TANC2: variants seen among roughly 807,000 people sequenced by gnomAD.
TANC2 encodes the protein tetratricopeptide repeat, ankyrin repeat and coiled-coil containing 2, also known as protein TANC2.
Under a neutral mutation model 210.5 loss-of-function variants are expected in TANC2, and 26 were observed. The ratio of observed to expected loss-of-function variants is 0.12; its 90% CI spans 0.09 to 0.17. TANC2 has a LOEUF of 0.17. TANC2 is among the 10% of genes least tolerant of loss of function. TANC2 has a pLI of 1.00. For missense variants in TANC2, 2,129 were observed against 2,608.9 expected (o/e 0.82, Z 4.01); for synonymous variants, 931 against 967.1 (o/e 0.96, Z 0.69).
chr17:63,328,252 C>T (rs1319865389), intron 11 of TANC2, among the ~76,000 whole-genome samples: 1 of 152,110 alleles, frequency 6.6e-6, no homozygotes, highest in Admixed American at 6.6e-5. Flanking sequence ...CTGTGGGTGA[C>T]AGTCATCTGT....
intron 2 of TANC2, among the ~76,000 whole-genome samples, chr17:63,040,982 A>G (rs1400226508): frequency 6.6e-6 from 1 of 152,212 alleles, no homozygotes. Flanking sequence ...GTTTTATTCC[A>G]TGCTAAAGAC....
In TANC2 at chr17:63,229,533, C is replaced by T. The variant is rs568110109; in HGVS notation, c.770-8281C>T. Among the ~76,000 whole-genome samples, 4 of 147,130 alleles carry T rather than the reference C, an allele frequency of 2.7e-5. No individual in the cohort carries two copies. In the South Asian group the frequency reaches 8.6e-4, roughly 32 times the overall value. On this transcript the variant is annotated intron_variant, in intron 7 of 27. Coordinates refer to ENST00000689528, the Ensembl canonical transcript of TANC2. The stretch of plus-strand genomic sequence containing the variant: ...TCTTTATACCTCTGATAGAATTCAG[C>T]TATAAATCCGTCTGGTCCTGGGTTT...
At chr17:63,275,780 T>G (rs1567874181) in intron 9 of TANC2, among the ~76,000 whole-genome samples, 1 of 152,170 alleles carries the variant, frequency 6.6e-6, no homozygotes, top group Non-Finnish European at 1.5e-5. Flanking sequence ...TTTAGTTGTA[T>G]GAGGTTGTTC....
intron 2 of TANC2, among the ~76,000 whole-genome samples, chr17:63,038,628 A>G (rs1332247858): frequency 6.6e-6 from 1 of 152,090 alleles, no homozygotes; most frequent in Non-Finnish European, 1.5e-5. Flanking sequence ...TCACCTGTTT[A>G]GTTATTTGGG....
intron 2 of TANC2, among the ~76,000 whole-genome samples, chr17:63,031,181 A>G (rs1382218324): frequency 6.6e-6 from 1 of 152,112 alleles, no homozygotes. Flanking sequence ...CTTCTGGAAT[A>G]GGAGTGGATG....
At chr17:63,387,060 C>T (rs2047806554) in intron 15 of TANC2, among the ~76,000 whole-genome samples, 1 of 152,102 alleles carries the variant, frequency 6.6e-6, no homozygotes, top group Admixed American at 6.5e-5. Flanking sequence ...CCCTACATTT[C>T]CCTGGTCTCA....
intron 11 of TANC2, among the ~76,000 whole-genome samples, chr17:63,335,323 G>A (rs1007811008): frequency 1.3e-5 from 2 of 152,078 alleles, no homozygotes; most frequent in African/African-American, 2.4e-5. Flanking sequence ...CTTCAAAAGT[G>A]TCAAGATGGC....
At chr17:63,314,104 C>T (rs535435664) in intron 9 of TANC2, among the ~76,000 whole-genome samples, 8 of 152,284 alleles carry the variant, frequency 5.3e-5, no homozygotes, top group Non-Finnish European at 1.0e-4. Context: ...CCATCCCTTC[C>T]CTGTAATAAT....
Position 63,103,383 on chromosome 17 carries a change from T to C in TANC2, c.322+4026T>C, listed in dbSNP as rs139981329. On this transcript the variant is annotated intron_variant, in intron 4 of 27. Coordinates refer to ENST00000689528, the Ensembl canonical transcript of TANC2. ...GTAAAGACCAGCTCAAGAATAGATA[T>C]AGTTTAGAGCTTGAAAACTAATTTT... Among the ~76,000 whole-genome samples the C allele has an allele frequency of 5.0e-3, 766 of 152,326 alleles. 10 individuals carry two copies. Among genetic ancestry groups the C allele is most frequent in the African/African-American group, 0.017 (726 of 41,580 alleles).
chr17:62,970,849 GA>G (rs2031651355), intron 1 of TANC2, among the ~76,000 whole-genome samples: 1 of 152,212 alleles, frequency 6.6e-6, no homozygotes, highest in Admixed American at 6.5e-5. Context: ...CAGGGAGCTA[GA>G]ACAAGCTGTT....
At position 63,041,459 on chromosome 17, in the gene TANC2, G is replaced by T. The variant is rs2144263809; in HGVS notation, c.67+31833G>T. 2.0e-5 allele frequency among the ~76,000 whole-genome samples: 3 copies of T among 152,244 alleles called. No individual in the cohort carries two copies. The South Asian group carries it at 6.2e-4, about 32-fold the overall frequency. On this transcript the variant is annotated intron_variant, in intron 2 of 27. Transcript: ENST00000689528. Reference sequence around the variant, plus strand: ...AACTAGAGGCTTCTACAGCAGCCTGGGTGGTTAGTATCACATAAAAACAAA... The same window carrying T: ...AACTAGAGGCTTCTACAGCAGCCTGTGTGGTTAGTATCACATAAAAACAAA...
rs574111816 is a variant in TANC2 at position 62,970,110 on chromosome 17, C to T, written c.-24+3361C>T. Reference sequence around the variant, plus strand: ...ACAATTATAATAGTTATTTTCTTCTCTTAGCCAAATTGCTTCTGCCATTCT... The same window carrying T: ...ACAATTATAATAGTTATTTTCTTCTTTTAGCCAAATTGCTTCTGCCATTCT... On this transcript the variant is annotated intron_variant, in intron 1 of 27. Coordinates refer to ENST00000689528, the Ensembl canonical transcript of TANC2. Among the ~76,000 whole-genome samples the T allele has an allele frequency of 4.6e-5, 7 of 152,302 alleles. No homozygotes were observed. The South Asian group carries it at 6.2e-4, about 14-fold the overall frequency.
chr17:63,305,935 C>T (rs935378266), intron 9 of TANC2, among the ~76,000 whole-genome samples: 36 of 152,234 alleles, frequency 2.4e-4, no homozygotes, highest in African/African-American at 8.4e-4. Flanking sequence ...GGGTGTGAGG[C>T]GTGGACAGGA....
intron 9 of TANC2, among the ~76,000 whole-genome samples, chr17:63,301,721 A>G (rs1190692573): frequency 3.3e-5 from 5 of 152,066 alleles, no homozygotes; most frequent in Non-Finnish European, 5.9e-5. Flanking sequence ...AATTTTTTCA[A>G]AAACCAGCTC....
At chr17:63,026,499 AT>A (rs894518279) in intron 2 of TANC2, among the ~76,000 whole-genome samples, 5 of 152,216 alleles carry the variant, frequency 3.3e-5, no homozygotes, top group African/African-American at 1.2e-4. Flanking sequence ...CAAGGAAGAC[AT>A]TTTTGAGGTA....
intron 5 of TANC2, among the ~76,000 whole-genome samples, chr17:63,187,311 T>C (rs1296005578): frequency 6.6e-6 from 1 of 152,160 alleles, no homozygotes; most frequent in African/African-American, 2.4e-5. Context: ...TATGCTTTAT[T>C]TTCGTTATTT....
chr17:62,996,733 GT>G (rs920622383), intron 1 of TANC2, among the ~76,000 whole-genome samples: 3 of 150,254 alleles, frequency 2.0e-5, no homozygotes, highest in Admixed American at 6.6e-5. Flanking sequence ...TTCTCTCTTC[GT>G]TTTTTTTGAG....
exon 7 of TANC2, chr17:63,200,938 C>T: frequency 6.2e-7 from 1 of 1,609,092 alleles, no homozygotes; most frequent in Non-Finnish European, 8.5e-7. Context: ...CCCTTGAAAG[C>T]AGAGATAGTG....
chr17:63,327,340 G>A (rs2045682661), intron 11 of TANC2, among the ~76,000 whole-genome samples: 3 of 152,164 alleles, frequency 2.0e-5, no homozygotes, highest in African/African-American at 7.2e-5. Context: ...TAAAAATAGA[G>A]CTATCATATG....
Sources: gnomAD v4.1 joint callset for allele counts (sites outside exome capture counted in the v4.1 genomes callset) on GRCh38, gnomAD v4.1.1 for gene constraint, MANE v1.5 for transcripts, NCBI Gene and HGNC (gene_info 2026-07-23, HGNC 2026-07-21) for gene names.